QTGAL: variants seen among roughly 807,000 people sequenced by gnomAD.
The protein encoded by QTGAL is queuosine-tRNA galactosyltransferase, also known as BGnT-like protein 1.
the QTGAL span, among the ~76,000 whole-genome samples, chr17:83,013,525 C>T: frequency 6.7e-6 from 1 of 150,172 alleles, no homozygotes; most frequent in Non-Finnish European, 1.5e-5. Context: ...CCCTGCCCGA[C>T]CCCCCACAGG....
chr17:83,039,093 A>C, the QTGAL span, among the ~76,000 whole-genome samples: 1 of 152,088 alleles, frequency 6.6e-6, no homozygotes, highest in Non-Finnish European at 1.5e-5. Context: ...AGCTGCCAAC[A>C]CCTCCTGAGT....
At chr17:83,032,161 GACGCAGACCGA>G in the QTGAL span, among the ~76,000 whole-genome samples, 22 of 134,672 alleles carry the variant, frequency 1.6e-4, no homozygotes, top group African/African-American at 4.3e-4. Flanking sequence ...CCAGGCCTCC[GACGCAGACCGA>G]ACTCGGGAGC....
At chr17:82,999,795 T>C in the QTGAL span, among the ~76,000 whole-genome samples, 2 of 152,202 alleles carry the variant, frequency 1.3e-5, no homozygotes, top group East Asian at 3.9e-4. Context: ...CAGCTTTTTC[T>C]TGTAATGTCA....
chr17:82,994,408 A>G, the QTGAL span, among the ~76,000 whole-genome samples: 1 of 152,088 alleles, frequency 6.6e-6, no homozygotes, highest in African/African-American at 2.4e-5. Flanking sequence ...ATTTAGAAAA[A>G]TTAGAAATAA....
chr17:82,946,962 CA>C, the QTGAL span: 1 of 1,567,200 alleles, frequency 6.4e-7, no homozygotes, highest in African/African-American at 1.4e-5. Flanking sequence ...AGGTTGTCCT[CA>C]AAGGCGCCCC....
the QTGAL span, among the ~76,000 whole-genome samples, chr17:82,974,780 C>A: frequency 6.6e-6 from 1 of 152,178 alleles, no homozygotes; most frequent in East Asian, 1.9e-4. Context: ...CTTGGAACAG[C>A]GGCAGGAGGC....
chr17:82,946,974 C>T, the QTGAL span: 1 of 1,560,222 alleles, frequency 6.4e-7, no homozygotes, highest in East Asian at 2.4e-5. Context: ...AAGGCGCCCC[C>T]TGTGAGGTCC....
At chr17:82,982,094 TG>T in the QTGAL span, among the ~76,000 whole-genome samples, 12 of 146,080 alleles carry the variant, frequency 8.2e-5, no homozygotes, top group African/African-American at 3.1e-4. Flanking sequence ...CTCACCTCCA[TG>T]GTGATGGGCC....
chr17:83,018,153 T>C, the QTGAL span, among the ~76,000 whole-genome samples: 1 of 151,264 alleles, frequency 6.6e-6, no homozygotes, highest in Non-Finnish European at 1.5e-5. Flanking sequence ...GTACCACACA[T>C]GCTCCGCGAA....
chr17:83,029,501 C>T, the QTGAL span, among the ~76,000 whole-genome samples: 15 of 152,216 alleles, frequency 9.9e-5, no homozygotes, highest in South Asian at 2.1e-4. Flanking sequence ...ACCTGTGAGA[C>T]GTGAGAAGAC....
chr17:83,004,879 C>T, the QTGAL span, among the ~76,000 whole-genome samples: 1 of 152,242 alleles, frequency 6.6e-6, no homozygotes. Context: ...GGTCGGGTTT[C>T]CCAGCTCAGA....
At chr17:82,978,318 T>G in the QTGAL span, among the ~76,000 whole-genome samples, 1 of 152,134 alleles carries the variant, frequency 6.6e-6, no homozygotes, top group East Asian at 1.9e-4. The surrounding 1 kb of genome is among the most constrained non-coding windows in gnomAD (Gnocchi z 4.8). Context: ...CGAGGAAGGT[T>G]TTATCGGAGA....
the QTGAL span, among the ~76,000 whole-genome samples, chr17:83,050,447 A>C: frequency 1.3e-5 from 2 of 152,226 alleles, no homozygotes; most frequent in Non-Finnish European, 2.9e-5. Flanking sequence ...GGATTTACTT[A>C]GAGGAAAAGA....
the QTGAL span, among the ~76,000 whole-genome samples, chr17:82,958,215 G>A: frequency 1.1e-4 from 16 of 152,356 alleles, no homozygotes; most frequent in South Asian, 1.7e-3. Flanking sequence ...AGAAGCTAGA[G>A]GGGCAGGGGA....
chr17:83,008,206 G>A, the QTGAL span, among the ~76,000 whole-genome samples: 25 of 152,156 alleles, frequency 1.6e-4, no homozygotes, highest in Non-Finnish European at 2.6e-4. Context: ...ATGTGAATGA[G>A]AGGCCTGTGC....
the QTGAL span, among the ~76,000 whole-genome samples, chr17:83,012,412 A>T: frequency 6.6e-6 from 1 of 152,220 alleles, no homozygotes; most frequent in South Asian, 2.1e-4. Flanking sequence ...TATCTCCTCC[A>T]CTAAAATGTC....
chr17:82,964,814 C>T, the QTGAL span, among the ~76,000 whole-genome samples: 3 of 89,656 alleles, frequency 3.3e-5, no homozygotes, highest in Non-Finnish European at 4.3e-5. Flanking sequence ...GGGACACGGA[C>T]GCCTGCAGGT....
the QTGAL span, among the ~76,000 whole-genome samples, chr17:82,954,438 G>A: frequency 1.3e-5 from 2 of 152,094 alleles, no homozygotes; most frequent in Non-Finnish European, 2.9e-5. Flanking sequence ...TATAGGGGAT[G>A]TGAAGGACCT....
chr17:83,051,407 G>A, the QTGAL span, among the ~76,000 whole-genome samples: 1 of 152,118 alleles, frequency 6.6e-6, no homozygotes, highest in Non-Finnish European at 1.5e-5. Context: ...GAGGGCGAAC[G>A]GGGAACTGCC....
Sources: allele counts gnomAD v4.1 joint callset (sites outside exome capture counted in the v4.1 genomes callset), GRCh38; gene constraint gnomAD v4.1.1; non-coding constraint Gnocchi (gnomAD v3.1); transcripts MANE v1.5; gene names NCBI Gene and HGNC (gene_info 2026-07-23, HGNC 2026-07-21).